The following CASZ1 variants were observed in gnomAD, a reference collection of about 807,000 sequenced individuals.
CASZ1 encodes castor zinc finger 1.
Under a neutral mutation model 135.2 loss-of-function variants are expected in CASZ1, and 28 were observed. That is an observed-to-expected ratio of 0.21 (90% CI 0.15 to 0.28). CASZ1 has a LOEUF of 0.28. Ranked by LOEUF, CASZ1 falls within the 10% of genes least tolerant of loss-of-function variation. The pLI is 1.00. For missense variants in CASZ1, 2,161 were observed against 2,453.3 expected (o/e 0.88, Z 2.52); for synonymous variants, 1,068 against 1,073.4 (o/e 0.99, Z 0.10).
chr1:10,729,037 C>T (rs1639648791), intron 2 of CASZ1, among the ~76,000 whole-genome samples: 1 of 150,386 alleles, frequency 6.6e-6, no homozygotes, highest in Non-Finnish European at 1.5e-5. Context: ...GGACAAAACC[C>T]TGTCTTGGAC....
At chr1:10,645,164 T>G in intron 17 of CASZ1, 76 bp from the exon 18 acceptor site, 1 of 1,305,108 alleles carries the variant, frequency 7.7e-7, no homozygotes, top group Non-Finnish European at 1.1e-6. Context: ...CCTGAGGCTG[T>G]GGTGGGCCCT....
intron 18 of CASZ1, among the ~76,000 whole-genome samples, chr1:10,643,662 C>T (rs756907363): frequency 3.3e-5 from 5 of 152,224 alleles, no homozygotes; most frequent in Admixed American, 6.5e-5. Context: ...CCACCTGTCC[C>T]CACATCTCTG....
At chr1:10,789,368 G>C (rs6703971) in intron 1 of CASZ1, among the ~76,000 whole-genome samples, 97,225 of 141,234 alleles carry the variant, frequency 0.69, 33,559 homozygotes, top group Non-Finnish European at 0.77. Context: ...CCTGCCCCCC[G>C]CACCCCCTCC....
chr1:10,787,838 G>A (rs952181319), intron 1 of CASZ1, among the ~76,000 whole-genome samples: 5 of 151,990 alleles, frequency 3.3e-5, no homozygotes, highest in Non-Finnish European at 5.9e-5. Flanking sequence ...CTCTCCCTCC[G>A]GGCTTCCCAC....
intron 1 of CASZ1, among the ~76,000 whole-genome samples, chr1:10,787,084 C>T (rs1305922313): frequency 1.3e-5 from 2 of 152,224 alleles, no homozygotes; most frequent in Non-Finnish European, 2.9e-5. Context: ...TTAAAAAGGA[C>T]TTTCATAGCT....
At chr1:10,793,672 T>C (rs1021831884) in intron 1 of CASZ1, among the ~76,000 whole-genome samples, 1 of 115,778 alleles carries the variant, frequency 8.6e-6, no homozygotes, top group Non-Finnish European at 1.7e-5. Context: ...ATATTCCCCA[T>C]AAACTCTCCT....
At chr1:10,782,337 G>A (rs1275069234) in intron 1 of CASZ1, among the ~76,000 whole-genome samples, 1 of 152,212 alleles carries the variant, frequency 6.6e-6, no homozygotes, top group African/African-American at 2.4e-5. Flanking sequence ...GAGAATGATG[G>A]GGGCAAGGCC....
At chr1:10,640,298 C>T (rs1642157726) in intron 20 of CASZ1, among the ~76,000 whole-genome samples, 1 of 152,222 alleles carries the variant, frequency 6.6e-6, no homozygotes, top group Non-Finnish European at 1.5e-5. Flanking sequence ...CAGGCCTCTC[C>T]CCCGGGGGGT....
At chr1:10,664,593 A>AT (rs1433868191) in intron 5 of CASZ1, among the ~76,000 whole-genome samples, 1 of 151,256 alleles carries the variant, frequency 6.6e-6, no homozygotes, top group Non-Finnish European at 1.5e-5. Flanking sequence ...GTGGCAGGAG[A>AT]ACAAAGCTTG....
At chr1:10,749,060 T>C (rs1640100845) in intron 2 of CASZ1, among the ~76,000 whole-genome samples, 1 of 152,104 alleles carries the variant, frequency 6.6e-6, no homozygotes, top group Non-Finnish European at 1.5e-5. Flanking sequence ...CTTCCCAGCT[T>C]GGGAATGGGT....
At position 10,650,909 on chromosome 1, in the gene CASZ1, G is replaced by C. The variant is rs372319941; in HGVS notation, c.2816+32C>G. The C allele has an allele frequency of 2.5e-6, 4 of 1,606,806 alleles. No homozygotes were observed. In the Admixed American group the frequency reaches 6.9e-5, roughly 28 times the overall value. On this transcript the variant is annotated intron_variant, in intron 12 of 20. Coordinates refer to ENST00000377022, the MANE Select transcript of CASZ1 (RefSeq NM_001079843.3). ...GCTCCAGCTCGAAGGTGTGGTTCCC[G>C]GGGCTGGCTCCCATAGGGGGCCTCG...
intron 2 of CASZ1, among the ~76,000 whole-genome samples, chr1:10,714,475 C>G (rs1639342836): frequency 6.6e-6 from 1 of 152,228 alleles, no homozygotes; most frequent in Non-Finnish European, 1.5e-5. Context: ...CCAGAGCCTT[C>G]CAACGACCGG....
Position 10,646,199 on chromosome 1 carries a change from G to A in CASZ1, c.3625C>T (p.Pro1209Ser). Residue 1209 changes from proline to serine, a missense_variant, in exon 17 of 21, where the codon CCC becomes TCC. Transcript: ENST00000377022. The surrounding 1 kb of genome is among the most constrained non-coding windows in gnomAD (Gnocchi z 6.4). ...AESHCLDHIN[P>S]NNNLVNVRDQ... The stretch of plus-strand genomic sequence containing the variant: ...CGCACGTTCACCAGGTTGTTGTTGG[G>A]GTTGATGTGGTCCAGGCAGTGGGAT... 6.2e-7 allele frequency: 1 copy of A among 1,614,180 alleles called. No homozygotes were observed. The highest frequency in any genetic ancestry group is 1.3e-5 in the African/African-American group (1 of 75,044).
chr1:10,730,740 C>T (rs284277), intron 2 of CASZ1, among the ~76,000 whole-genome samples: 1 of 152,004 alleles, frequency 6.6e-6, no homozygotes, highest in Non-Finnish European at 1.5e-5. Flanking sequence ...GCCACTGCAA[C>T]CTTGACGGCA....
chr1:10,715,946 A>G (rs1323788127), intron 2 of CASZ1, among the ~76,000 whole-genome samples: 1 of 132,724 alleles, frequency 7.5e-6, no homozygotes, highest in African/African-American at 2.9e-5. Flanking sequence ...ACAGCACCCA[A>G]TCCACACCCC....
chr1:10,659,911 G>A lies in CASZ1; in HGVS notation c.1131C>T (p.Asp377=), dbSNP rs140148473. 4.8e-4 allele frequency: 774 copies of A among 1,611,888 alleles called. 1 individual carries two copies. The highest frequency in any genetic ancestry group is 1.7e-3 in the Middle Eastern group (10 of 6,022). The change falls in exon 6 of 21, where the codon GAC becomes GAT. Residue 377 remains aspartate, a synonymous_variant. Coordinates refer to ENST00000377022, the MANE Select transcript of CASZ1 (RefSeq NM_001079843.3). ...TGKVGRPSKY[D]VRGIQKPGPA... The stretch of plus-strand genomic sequence containing the variant: ...GGCCTGGCTTCTGGATGCCCCGGAC[G>A]TCGTACTTGGAAGGGCGCCCCACCT...
rs1642071775 is a variant in CASZ1, at chr1:10,638,515, C to G, written c.*427G>C. 6.6e-6 allele frequency: 1 copy of G among 152,122 alleles called. No individual in the cohort carries two copies. The highest frequency in any genetic ancestry group is 1.5e-5 in the Non-Finnish European group (1 of 68,062). 9.4% of individuals were successfully genotyped at this position (152,122 alleles called of 1,614,324 possible). ...GGATCCTAGCTGCATGAGGGAGGCC[C>G]CGCCAGCGGCTCCAGGAGCCACCCC... On this transcript the variant is annotated 3_prime_UTR_variant, in exon 21 of 21. Coordinates refer to ENST00000377022, the MANE Select transcript of CASZ1 (RefSeq NM_001079843.3). The surrounding 1 kb of genome is among the most constrained non-coding windows in gnomAD (Gnocchi z 5.9).
chr1:10,772,434 G>A (rs981888902), intron 1 of CASZ1, among the ~76,000 whole-genome samples: 7 of 152,190 alleles, frequency 4.6e-5, no homozygotes, highest in Admixed American at 2.0e-4. Flanking sequence ...GTTTCTGCGG[G>A]GGAAGGCTGA....
chr1:10,653,784 G>A lies in CASZ1; in HGVS notation c.2273C>T (p.Thr758Ile), dbSNP rs2100223507. The part of the protein sequence containing the change: ...SASLAAATAA[T>I]EAGPSATKPP... ...TTTGGTGGCACTGGGCCCAGCCTCG[G>A]TGGCGGCAGTGGCGGCAGCCAGGGA... Residue 758 changes from threonine (T) to isoleucine (I), a missense_variant, in exon 11 of 21, where the codon ACC (threonine) becomes ATC (isoleucine). This residue lies in a region of CASZ1 where 406 missense variants were observed against 387.6 expected (regional missense o/e 1.05). Transcript: ENST00000377022. 1.2e-6 allele frequency: 2 copies of A among 1,609,502 alleles called. No individual in the cohort carries two copies. The highest frequency in any genetic ancestry group is 3.3e-4 in the Middle Eastern group (2 of 6,040).
Sources: allele counts gnomAD v4.1 joint callset (sites outside exome capture counted in the v4.1 genomes callset), GRCh38; gene constraint gnomAD v4.1.1; regional missense constraint gnomAD v4.1.1; non-coding constraint Gnocchi (gnomAD v3.1); transcripts MANE v1.5; gene names NCBI Gene and HGNC (gene_info 2026-07-23, HGNC 2026-07-21).